The following GRID2 variants were observed in gnomAD, a reference collection of about 807,000 sequenced individuals.
GRID2 encodes the protein glutamate receptor ionotropic, delta-2.
GRID2 carries 33 observed loss-of-function variants against 114.8 expected under a neutral mutation model. The observed-to-expected ratio is 0.29, with a 90% CI of 0.22 to 0.38. The LOEUF is 0.38. Among genes scored for constraint, GRID2 ranks in the 10% least tolerant of loss-of-function variants. The pLI is 1.00. For missense variants in GRID2, 1,184 were observed against 1,257.7 expected, an observed-to-expected ratio of 0.94 and a Z score of 0.89; for synonymous variants, 505 against 449.9, an observed-to-expected ratio of 1.12 and a Z score of -1.55.
chr4:93,352,371 T>C (rs998942002), intron 8 of GRID2, among the ~76,000 whole-genome samples: 3 of 152,144 alleles, frequency 2.0e-5, no homozygotes, highest in Admixed American at 1.3e-4. Context: ...AAAATTAATC[T>C]TGTTGCCCTG....
intron 2 of GRID2, among the ~76,000 whole-genome samples, chr4:92,735,602 TTTAA>T (rs1736552661): frequency 6.6e-6 from 1 of 152,140 alleles, no homozygotes; most frequent in Non-Finnish European, 1.5e-5. Context: ...ATTTAGGAAC[TTTAA>T]TTAACTACAC....
chr4:92,795,065 T>C (rs1016789295), intron 2 of GRID2, among the ~76,000 whole-genome samples: 2 of 151,434 alleles, frequency 1.3e-5, no homozygotes, highest in African/African-American at 4.8e-5. Flanking sequence ...CATCTTCACA[T>C]TGAAAAGGCA....
intron 14 of GRID2, among the ~76,000 whole-genome samples, chr4:93,691,195 C>A (rs1726533283): frequency 6.6e-6 from 1 of 151,598 alleles, no homozygotes. Context: ...CTTTAAAATT[C>A]TAAAATAAAC....
intron 2 of GRID2, among the ~76,000 whole-genome samples, chr4:92,962,733 G>A (rs947453571): frequency 2.0e-5 from 3 of 151,776 alleles, no homozygotes; most frequent in African/African-American, 7.3e-5. Context: ...CATAAGTATG[G>A]GCACCCGCCT....
At chr4:93,481,735 A>G (rs1325351528) in intron 11 of GRID2, among the ~76,000 whole-genome samples, 2 of 152,082 alleles carry the variant, frequency 1.3e-5, no homozygotes. Context: ...CTACAGAGAT[A>G]TGGGAGCAAT....
intron 1 of GRID2, among the ~76,000 whole-genome samples, chr4:92,541,391 G>C (rs2149162961): frequency 6.6e-6 from 1 of 151,698 alleles, no homozygotes; most frequent in South Asian, 2.1e-4. Context: ...AAATGTTTTA[G>C]TTATATGATA....
At chr4:93,125,640 C>T (rs1027095689) in intron 4 of GRID2, among the ~76,000 whole-genome samples, 3 of 151,662 alleles carry the variant, frequency 2.0e-5, no homozygotes, top group South Asian at 2.1e-4. Context: ...TTTTTTTAAC[C>T]GTGATTCTTG....
chr4:93,630,079 C>T (rs1743105051), intron 14 of GRID2, among the ~76,000 whole-genome samples: 1 of 152,114 alleles, frequency 6.6e-6, no homozygotes, highest in East Asian at 1.9e-4. Flanking sequence ...CTTCAAGGAA[C>T]CAGTAAGTGC....
At chr4:92,415,305 A>T (rs1425317549) in intron 1 of GRID2, among the ~76,000 whole-genome samples, 3 of 151,956 alleles carry the variant, frequency 2.0e-5, no homozygotes, top group African/African-American at 4.8e-5. Context: ...ATAGATTTTT[A>T]AAATTTTGTT....
intron 9 of GRID2, among the ~76,000 whole-genome samples, chr4:93,397,332 C>A (rs978347317): frequency 4.0e-5 from 6 of 151,776 alleles, no homozygotes; most frequent in Admixed American, 4.0e-4. Context: ...TATTGATATG[C>A]ATTTACATTG....
At chr4:92,404,054 G>A (rs987142729) in intron 1 of GRID2, among the ~76,000 whole-genome samples, 4 of 152,182 alleles carry the variant, frequency 2.6e-5, no homozygotes, top group African/African-American at 7.2e-5. Flanking sequence ...TTACCAAAAC[G>A]TGACGCAGAG....
intron 2 of GRID2, among the ~76,000 whole-genome samples, chr4:92,806,385 A>G (rs1009898219): frequency 6.6e-6 from 1 of 151,902 alleles, no homozygotes; most frequent in African/African-American, 2.4e-5. Flanking sequence ...TATAAATGCA[A>G]TAGGCTTATT....
chr4:92,616,198 G>A (rs1348073525), intron 2 of GRID2, among the ~76,000 whole-genome samples: 1 of 151,558 alleles, frequency 6.6e-6, no homozygotes, highest in African/African-American at 2.4e-5. Flanking sequence ...ATTTTAAAAT[G>A]TGGTAATATT....
At chr4:93,655,517 G>T (rs1014274092) in intron 14 of GRID2, among the ~76,000 whole-genome samples, 8 of 151,996 alleles carry the variant, frequency 5.3e-5, no homozygotes, top group Non-Finnish European at 1.2e-4. Flanking sequence ...AAAACTGGAA[G>T]AAATTATAAA....
intron 8 of GRID2, among the ~76,000 whole-genome samples, chr4:93,313,107 T>TA (rs1756198147): frequency 6.6e-6 from 1 of 152,136 alleles, no homozygotes; most frequent in Admixed American, 6.5e-5. Flanking sequence ...CTCCATCAGT[T>TA]ATATACCACT....
At chr4:93,414,706 T>TATATATATATATA (rs1560595949) in intron 9 of GRID2, among the ~76,000 whole-genome samples, 4 of 149,622 alleles carry the variant, frequency 2.7e-5, no homozygotes, top group South Asian at 2.1e-4. Context: ...TATATATATA[T>TATATATATATATA]TTCCTTTTTT....
chr4:92,611,982 C>T (rs1729770711), intron 2 of GRID2, among the ~76,000 whole-genome samples: 1 of 151,344 alleles, frequency 6.6e-6, no homozygotes, highest in Non-Finnish European at 1.5e-5. Context: ...TTTTAAAATG[C>T]AAATTAAAAA....
chr4:93,750,565 C>G (rs1294711325), intron 14 of GRID2, among the ~76,000 whole-genome samples: 1 of 151,742 alleles, frequency 6.6e-6, no homozygotes, highest in Non-Finnish European at 1.5e-5. Flanking sequence ...GTCAGGAGAT[C>G]AAGACCATGT....
At position 93,236,823 on chromosome 4, in the gene GRID2, AT is replaced by A. The variant is rs1746853189; in HGVS notation, c.1126-1543del. On this transcript the variant is annotated intron_variant, in intron 7 of 15. Transcript: ENST00000282020. ...CATCTAAATATTTAAGCGTATAATA[AT>A]TTTTGGCAAACCCACTGAATTTTAA... Among the ~76,000 whole-genome samples, 4 of 152,228 alleles carry A rather than the reference AT, an allele frequency of 2.6e-5. No homozygotes were observed. In the South Asian group the frequency reaches 8.3e-4, roughly 31 times the overall value.
Sources: gnomAD v4.1 joint callset for allele counts (sites outside exome capture counted in the v4.1 genomes callset) on GRCh38, gnomAD v4.1.1 for gene constraint, MANE v1.5 for transcripts, NCBI Gene and HGNC (gene_info 2026-07-23, HGNC 2026-07-21) for gene names.